GABRB3: variants seen among roughly 807,000 people sequenced by gnomAD.
GABRB3 encodes gamma-aminobutyric acid type A receptor subunit beta3, also known as gamma-aminobutyric acid receptor subunit beta-3.
In GABRB3, 14 loss-of-function variants were observed where a neutral mutation model predicts 52.1. The observed-to-expected ratio is 0.27, with a 90% confidence interval of 0.18 to 0.42. The LOEUF is 0.42. GABRB3 is among the 10% of genes least tolerant of loss of function. The pLI, the probability that GABRB3 is intolerant of heterozygous loss-of-function variation, is 1.00. For missense variants in GABRB3, 307 were observed against 609.1 expected, an observed-to-expected ratio of 0.50 and a Z score of 5.22; for synonymous variants, 260 against 232.3, an observed-to-expected ratio of 1.12 and a Z score of -1.08.
At chr15:26,558,765 C>T (rs770099234) in intron 8 of GABRB3, among the ~76,000 whole-genome samples, 12 of 151,486 alleles carry the variant, frequency 7.9e-5, no homozygotes, top group African/African-American at 2.7e-4. Flanking sequence ...TAGCTGGGCG[C>T]GGTGGCAGGT....
chr15:26,772,610 C>G, intron 2 of GABRB3, 71 bp downstream of exon 2: 2 of 1,448,412 alleles, frequency 1.4e-6, no homozygotes, highest in Non-Finnish European at 9.3e-7. Context: ...ATGCGGCCCC[C>G]GCCTCCCTCC....
chr15:26,727,955 G>A (rs1049335733), intron 3 of GABRB3, among the ~76,000 whole-genome samples: 3 of 152,152 alleles, frequency 2.0e-5, no homozygotes, highest in African/African-American at 7.2e-5. Flanking sequence ...GTACCCCTGA[G>A]AGAAACTAAA....
intron 3 of GABRB3, among the ~76,000 whole-genome samples, chr15:26,762,524 G>GA (rs530816281): frequency 2.0e-5 from 3 of 151,066 alleles, no homozygotes; most frequent in Admixed American, 2.0e-4. Context: ...CCTTCACAAA[G>GA]AAAAAAAAAT....
At chr15:26,606,891 A>G (rs12904322) in intron 4 of GABRB3, among the ~76,000 whole-genome samples, 40,647 of 145,792 alleles carry the variant, frequency 0.28, 7,259 homozygotes, top group East Asian at 0.8. Context: ...CTACACTTCT[A>G]TATTTGAGTC....
Position 26,545,517 on chromosome 15 carries a change from T to C in GABRB3, c.*2276A>G, listed in dbSNP as rs1220392329. The C allele has an allele frequency of 6.6e-6, 1 of 152,634 alleles. No individual in the cohort carries two copies. Among genetic ancestry groups the C allele is most frequent in the Non-Finnish European group, 1.5e-5 (1 of 68,036 alleles). The allele number at this position is 152,634 out of a possible 1,614,324, so 9.5% of individuals were successfully genotyped here. On this transcript the variant is annotated 3_prime_UTR_variant, in exon 9 of 9. Transcript: ENST00000311550. ...TTCTGAATAGTATAAATTATACACT[T>C]AAATAGACCATTGACTGTTTTTGTC... is the stretch of plus-strand genomic sequence containing the variant.
chr15:26,652,737 T>C (rs1887235980), intron 3 of GABRB3, among the ~76,000 whole-genome samples: 1 of 152,202 alleles, frequency 6.6e-6, no homozygotes, highest in African/African-American at 2.4e-5. Flanking sequence ...CCTAGACCAC[T>C]GAGTTGTACC....
intron 3 of GABRB3, among the ~76,000 whole-genome samples, chr15:26,680,490 C>CTTGGTGTAACACTCAAGTTCTA (rs1888204858): frequency 2.0e-5 from 3 of 151,326 alleles, no homozygotes; most frequent in African/African-American, 7.3e-5. Flanking sequence ...ATTGACTCTT[C>CTTGGTGTAACACTCAAGTTCTA]TTGGTGTAAC....
At chr15:26,622,133 TC>T (rs1185646456) in intron 3 of GABRB3, among the ~76,000 whole-genome samples, 6 of 151,974 alleles carry the variant, frequency 3.9e-5, no homozygotes, top group Non-Finnish European at 8.8e-5. Context: ...GACCATAAAA[TC>T]ACCCGGAGAT....
chr15:26,629,299 A>G, intron 3 of GABRB3: 1 of 816,120 alleles, frequency 1.2e-6, no homozygotes. Context: ...CGTGGCCCGT[A>G]GCGGAAAAGG....
intron 4 of GABRB3, among the ~76,000 whole-genome samples, chr15:26,584,601 A>G (rs1473302411): frequency 1.3e-5 from 2 of 152,216 alleles, no homozygotes; most frequent in Non-Finnish European, 2.9e-5. Context: ...GGAAATAATT[A>G]CTTCCCAAAA....
intron 4 of GABRB3, among the ~76,000 whole-genome samples, chr15:26,585,523 T>A (rs1193322717): frequency 6.6e-6 from 1 of 152,218 alleles, no homozygotes; most frequent in African/African-American, 2.4e-5. Context: ...TAGCATCTGG[T>A]TAAGCAAGCA....
chr15:26,682,808 G>GC (rs1460084309), intron 3 of GABRB3, among the ~76,000 whole-genome samples: 5 of 152,194 alleles, frequency 3.3e-5, no homozygotes, highest in African/African-American at 1.2e-4. Context: ...AGGGGGCACT[G>GC]CCCCTCTGTT....
At chr15:26,681,681 G>C (rs1463543917) in intron 3 of GABRB3, among the ~76,000 whole-genome samples, 1 of 152,170 alleles carries the variant, frequency 6.6e-6, no homozygotes, top group Admixed American at 6.5e-5. Flanking sequence ...AATGTCTTTG[G>C]TCAGAGACAG....
intron 3 of GABRB3, among the ~76,000 whole-genome samples, chr15:26,756,719 G>C (rs201648413): frequency 0.072 from 81 of 1,128 alleles, no homozygotes; most frequent in South Asian, 0.36. Flanking sequence ...AAAAACCCAT[G>C]GGGTGTACAG....
At chr15:26,683,998 T>C (rs779269097) in intron 3 of GABRB3, among the ~76,000 whole-genome samples, 22 of 149,676 alleles carry the variant, frequency 1.5e-4, no homozygotes, top group Non-Finnish European at 2.8e-4. Flanking sequence ...GTTCCCTTCA[T>C]CCAAGGAATG....
chr15:26,642,178 C>A (rs186790857), intron 3 of GABRB3, among the ~76,000 whole-genome samples: 10 of 152,328 alleles, frequency 6.6e-5, no homozygotes, highest in African/African-American at 2.4e-4. Flanking sequence ...CAGGCATAAG[C>A]CACCAAGCCT....
At chr15:26,559,039 G>A (rs529377632) in intron 8 of GABRB3, among the ~76,000 whole-genome samples, 1 of 152,236 alleles carries the variant, frequency 6.6e-6, no homozygotes, top group Non-Finnish European at 1.5e-5. Context: ...ACAGAACCAG[G>A]CAGGGTGGTA....
intron 3 of GABRB3, among the ~76,000 whole-genome samples, chr15:26,644,002 C>A (rs911973723): frequency 1.3e-5 from 2 of 152,060 alleles, no homozygotes; most frequent in African/African-American, 4.8e-5. Context: ...TGAGAAGTGA[C>A]AGGGAGTTGG....
At chr15:26,613,546 A>G (rs763665619) in intron 4 of GABRB3, 1 of 152,226 alleles carries the variant, frequency 6.6e-6, no homozygotes, top group Non-Finnish European at 1.5e-5. Context: ...ATATGAAAAT[A>G]TAAGTACTAT....
Sources: gnomAD v4.1 joint callset for allele counts (sites outside exome capture counted in the v4.1 genomes callset) on GRCh38, gnomAD v4.1.1 for gene constraint, MANE v1.5 for transcripts, NCBI Gene and HGNC (gene_info 2026-07-23, HGNC 2026-07-21) for gene names.